GOLGA8B: variants seen among roughly 807,000 people sequenced by gnomAD.
GOLGA8B encodes the protein golgin A8 family member B, also known as golgin subfamily A member 8B.
In GOLGA8B, 1 loss-of-function variant was observed where a neutral mutation model predicts 15.6. That is an observed-to-expected ratio of 0.06 (90% confidence interval 0.02 to 0.30). The LOEUF (loss-of-function observed/expected upper bound fraction) is 0.30. GOLGA8B is among the 10% of genes least tolerant of loss of function. The pLI, the probability that GOLGA8B is intolerant of heterozygous loss-of-function variation, is 1.00. For synonymous variants in GOLGA8B, 9 were observed against 80.3 expected, an observed-to-expected ratio of 0.11 and a Z score of 4.75; for missense variants, 17 against 201.3, an observed-to-expected ratio of 0.08 and a Z score of 5.54.
rs1894428841 is a variant in GOLGA8B, at chr15:34,525,822, C to T, written c.*1810G>A. On this transcript the variant is annotated 3_prime_UTR_variant, in exon 24 of 24. Transcript: ENST00000683415. The stretch of plus-strand genomic sequence containing the variant: ...CCATTGGCAAAATCGTATTGCTGCT[C>T]TCCTGTTAATCTCCTATTTATAAAA... 6.7e-6 allele frequency: 1 copy of T among 149,578 alleles called. No homozygotes were observed. Among genetic ancestry groups the T allele is most frequent in the South Asian group, 2.2e-4 (1 of 4,642 alleles). The allele number at this position is 149,578 out of a possible 1,614,324, so 9.3% of individuals were successfully genotyped here. A position where few individuals can be genotyped will look rare whatever the true frequency, so the allele number is the denominator to read the frequency against.
intron 1 of GOLGA8B, among the ~76,000 whole-genome samples, chr15:34,569,153 C>T (rs1242104923): frequency 6.1e-4 from 90 of 146,952 alleles, no homozygotes; most frequent in Non-Finnish European, 9.0e-4. Flanking sequence ...GGCCGAGCTC[C>T]GCCTCCACCG....
At chr15:34,574,906 TCC>T (rs1252909747) in intron 1 of GOLGA8B, 1 of 151,742 alleles carries the variant, frequency 6.6e-6, no homozygotes, top group African/African-American at 2.4e-5. Flanking sequence ...GATGAACAGC[TCC>T]CTCCACCTGA....
At chr15:34,582,448 T>C (rs573075227) in intron 1 of GOLGA8B, among the ~76,000 whole-genome samples, 2 of 152,352 alleles carry the variant, frequency 1.3e-5, no homozygotes, top group Admixed American at 6.5e-5. Flanking sequence ...AGAGGCAGTT[T>C]AGCCCAAAAA....
intron 1 of GOLGA8B, among the ~76,000 whole-genome samples, chr15:34,581,032 G>T (rs971567610): frequency 1.3e-5 from 2 of 152,214 alleles, no homozygotes; most frequent in East Asian, 1.9e-4. Context: ...AGGCTGAAAC[G>T]CAGGGCATGT....
chr15:34,557,650 G>GTA (rs1555405946), intron 1 of GOLGA8B, among the ~76,000 whole-genome samples: 5 of 104,654 alleles, frequency 4.8e-5, no homozygotes, highest in African/African-American at 1.7e-4. Flanking sequence ...ATGAATGTGT[G>GTA]TGTGTGTGTG....
In GOLGA8B at chr15:34,527,318, T is replaced by G. The variant is rs4144689; in HGVS notation, c.*314A>C. On this transcript the variant is annotated 3_prime_UTR_variant, in exon 24 of 24. Coordinates refer to ENST00000683415, the MANE Select transcript of GOLGA8B (RefSeq NM_001023567.5). ...TTCCAAACCAGCGAGAACAGTTTTG[T>G]GCAAAGAGTGGGTCTTTGTGTGTTT... 5.1e-6 allele frequency: 2 copies of G among 389,936 alleles called. No homozygotes were observed. The highest frequency in any genetic ancestry group is 2.4e-5 in the South Asian group (1 of 40,856). The allele number at this position is 389,936 out of a possible 1,614,324, so 24.2% of individuals were successfully genotyped here. A position where few individuals can be genotyped will look rare whatever the true frequency, so the allele number is the denominator to read the frequency against.
chr15:34,571,676 G>A (rs1320136889), intron 1 of GOLGA8B, among the ~76,000 whole-genome samples: 2 of 150,026 alleles, frequency 1.3e-5, no homozygotes, highest in African/African-American at 4.9e-5. Context: ...TTAGATCAAA[G>A]AAGAGATGTA....
intron 1 of GOLGA8B, among the ~76,000 whole-genome samples, chr15:34,579,382 T>C (rs187024939): frequency 6.6e-6 from 1 of 152,114 alleles, no homozygotes; most frequent in Non-Finnish European, 1.5e-5. Context: ...AAGATCCAGA[T>C]GGAGTGGGAA....
chr15:34,578,270 C>A (rs1595712888), intron 1 of GOLGA8B, among the ~76,000 whole-genome samples: 1 of 152,214 alleles, frequency 6.6e-6, no homozygotes, highest in Admixed American at 6.5e-5. Flanking sequence ...ATGTTAGCCA[C>A]CTTCCTGGAG....
At chr15:34,579,092 C>T (rs184165928) in intron 1 of GOLGA8B, among the ~76,000 whole-genome samples, 58 of 152,094 alleles carry the variant, frequency 3.8e-4, no homozygotes, top group Admixed American at 5.9e-4. Flanking sequence ...AGGCCTCATG[C>T]GCACATTGCA....
At chr15:34,571,615 TAAA>T (rs541199491) in intron 1 of GOLGA8B, among the ~76,000 whole-genome samples, 92 of 122,614 alleles carry the variant, frequency 7.5e-4, no homozygotes, top group South Asian at 3.8e-3. Context: ...TGGAATCGTA[TAAA>T]AAAAAAAAAA....
intron 1 of GOLGA8B, among the ~76,000 whole-genome samples, chr15:34,565,162 T>G: frequency 7.8e-6 from 1 of 128,138 alleles, no homozygotes. Context: ...TGAGACGGAG[T>G]CTCACTCTTG....
intron 1 of GOLGA8B, among the ~76,000 whole-genome samples, chr15:34,557,643 A>AGTGTGTGTGT (rs1566932966): frequency 1.4e-3 from 43 of 31,518 alleles, no homozygotes; most frequent in African/African-American, 6.4e-3. Flanking sequence ...AGAATTCATG[A>AGTGTGTGTGT]ATGTGTGTGT....
At chr15:34,569,370 A>G (rs1421114165) in intron 1 of GOLGA8B, among the ~76,000 whole-genome samples, 2 of 151,740 alleles carry the variant, frequency 1.3e-5, no homozygotes, top group Non-Finnish European at 2.9e-5. Flanking sequence ...TCTCCCCTCC[A>G]TCACACTTCG....
At chr15:34,557,750 C>G (rs1014094256) in intron 1 of GOLGA8B, among the ~76,000 whole-genome samples, 1 of 85,498 alleles carries the variant, frequency 1.2e-5, no homozygotes, top group Non-Finnish European at 2.5e-5. Flanking sequence ...GCACTTGTAT[C>G]TTAATGTCTT....
At chr15:34,580,490 C>CAT (rs1889199423) in intron 1 of GOLGA8B, among the ~76,000 whole-genome samples, 1 of 4,136 alleles carries the variant, frequency 2.4e-4, no homozygotes, top group Non-Finnish European at 8.1e-4. Flanking sequence ...CGCAGGGTTC[C>CAT]AGAGAGAGCC....
intron 1 of GOLGA8B, among the ~76,000 whole-genome samples, chr15:34,581,942 C>A (rs144851039): frequency 1.3e-5 from 2 of 152,338 alleles, no homozygotes; most frequent in Admixed American, 6.5e-5. Flanking sequence ...CCACCGAGGG[C>A]TGCCGGCACA....
At chr15:34,574,358 C>T (rs1202650134) in intron 1 of GOLGA8B, among the ~76,000 whole-genome samples, 1 of 151,052 alleles carries the variant, frequency 6.6e-6, no homozygotes, top group Non-Finnish European at 1.5e-5. Context: ...CAGGGGAGGG[C>T]AGTGGCACCC....
chr15:34,578,292 A>G (rs1160095438), intron 1 of GOLGA8B, among the ~76,000 whole-genome samples: 1 of 152,204 alleles, frequency 6.6e-6, no homozygotes, highest in East Asian at 1.9e-4. Flanking sequence ...GCAAGCTCCC[A>G]CGCCCTTTCC....
Sources: allele counts gnomAD v4.1 joint callset (sites outside exome capture counted in the v4.1 genomes callset), GRCh38; gene constraint gnomAD v4.1.1; transcripts MANE v1.5; gene names NCBI Gene and HGNC (gene_info 2026-07-23, HGNC 2026-07-21).